Variants in C8orf34 observed in about 807,000 individuals in gnomAD.
C8orf34 encodes chromosome 8 open reading frame 34, also known as uncharacterized protein C8orf34.
In C8orf34, 65 loss-of-function variants were observed where a neutral mutation model predicts 68.3. The observed-to-expected ratio is 0.95, with a 90% CI of 0.78 to 1.17. The LOEUF (loss-of-function observed/expected upper bound fraction) is 1.17, where lower values mean the gene tolerates loss of function less well. Among genes scored for constraint, C8orf34 ranks in the 50% most tolerant of loss-of-function variants. The pLI, the probability that C8orf34 is intolerant of heterozygous loss-of-function variation, is 0.00. For missense variants in C8orf34, 664 were observed against 655.4 expected, an observed-to-expected ratio of 1.01 and a Z score of -0.14; for synonymous variants, 244 against 241.2, an observed-to-expected ratio of 1.01 and a Z score of -0.11.
intron 7 of C8orf34, among the ~76,000 whole-genome samples, chr8:68,605,318 A>G (rs1048407754): frequency 6.6e-6 from 1 of 152,098 alleles, no homozygotes; most frequent in Non-Finnish European, 1.5e-5. Flanking sequence ...TATAAAACTA[A>G]ATATACTTTT....
chr8:68,718,195 G>T (rs772611398), intron 9 of C8orf34, among the ~76,000 whole-genome samples: 1 of 151,944 alleles, frequency 6.6e-6, no homozygotes, highest in Non-Finnish European at 1.5e-5. Flanking sequence ...ACTTCCATTG[G>T]ATTATATGCT....
rs1048291205 is a variant in C8orf34 at position 68,749,131 on chromosome 8, G to A, written c.1405-27268G>A. Among the ~76,000 whole-genome samples the A allele has an allele frequency of 1.7e-4, 26 of 151,550 alleles. No homozygotes were observed. The South Asian group carries it at 3.4e-3, about 20-fold the overall frequency. On this transcript the variant is annotated intron_variant, in intron 10 of 13. Transcript: ENST00000518698. Reference sequence around the variant, plus strand: ...AAATCATCATTCTCAGTAAACTATCGCAAGAACAAAAAACCAAACACCGCA... The same window carrying A: ...AAATCATCATTCTCAGTAAACTATCACAAGAACAAAAAACCAAACACCGCA...
intron 4 of C8orf34, among the ~76,000 whole-genome samples, chr8:68,484,386 C>A (rs1461697526): frequency 1.3e-5 from 2 of 152,142 alleles, no homozygotes; most frequent in African/African-American, 2.4e-5. Flanking sequence ...AACTATATCA[C>A]CCTGATAGGA....
intron 7 of C8orf34, chr8:68,534,043 T>A: frequency 1.0e-6 from 1 of 982,442 alleles, no homozygotes; most frequent in Non-Finnish European, 1.2e-6. Context: ...TATAGGCCAT[T>A]TTCTGAAGTT....
intron 7 of C8orf34, among the ~76,000 whole-genome samples, chr8:68,536,358 C>CAAAAAAAAAAAAAAAAAAAAAA (rs10696903): frequency 2.0e-5 from 1 of 49,226 alleles, no homozygotes; most frequent in East Asian, 6.8e-4. Flanking sequence ...GACCCTATCT[C>CAAAAAAAAAAAAAAAAAAAAAA]AAAAAAAAAA....
chr8:68,685,339 G>A (rs1386574447), intron 8 of C8orf34, among the ~76,000 whole-genome samples: 1 of 152,100 alleles, frequency 6.6e-6, no homozygotes, highest in Admixed American at 6.6e-5. Flanking sequence ...TAAATAAGGT[G>A]AGGAGAAGGA....
chr8:68,331,149 G>T lies in C8orf34; in HGVS notation c.137G>T (p.Gly46Val). Residue 46 changes from glycine to valine, a missense_variant, in exon 1 of 14, where the codon GGG becomes GTG. By Grantham distance (109) the Gly-to-Val change is moderately radical. Transcript: ENST00000518698. ...GGCCGGGGCCGAGCCAGCCACGCAG[G>T]GCAGCCGAGGCTCCGGAGCTCCTGT... The part of the protein sequence containing the change: ...ARGRGRASHA[G>V]QPRLRSSCPG... The T allele has an allele frequency of 6.5e-7, 1 of 1,528,072 alleles. No homozygotes were observed. Among genetic ancestry groups the T allele is most frequent in the Non-Finnish European group, 8.8e-7 (1 of 1,141,600 alleles). The allele number at this position is 1,528,072 out of a possible 1,614,324, so 94.7% of individuals were successfully genotyped here. A position where few individuals can be genotyped will look rare whatever the true frequency, so the allele number is the denominator to read the frequency against.
At chr8:68,807,079 C>G (rs1824509634) in intron 12 of C8orf34, among the ~76,000 whole-genome samples, 1 of 152,126 alleles carries the variant, frequency 6.6e-6, no homozygotes, top group Non-Finnish European at 1.5e-5. Context: ...AATATTTGGA[C>G]TTTTTCACAT....
intron 1 of C8orf34, among the ~76,000 whole-genome samples, chr8:68,349,514 C>T (rs1022039896): frequency 6.7e-6 from 1 of 149,890 alleles, no homozygotes; most frequent in Admixed American, 6.7e-5. Flanking sequence ...AGGACTCTCT[C>T]CTCCTCAATT....
At chr8:68,605,496 G>C (rs1487815085) in intron 7 of C8orf34, among the ~76,000 whole-genome samples, 2 of 145,566 alleles carry the variant, frequency 1.4e-5, no homozygotes, top group East Asian at 3.9e-4. Flanking sequence ...AATAAATTAT[G>C]GTGCAGCCAT....
intron 4 of C8orf34, among the ~76,000 whole-genome samples, chr8:68,474,450 C>G (rs2129630346): frequency 6.6e-6 from 1 of 152,260 alleles, no homozygotes; most frequent in Non-Finnish European, 1.5e-5. Context: ...TCAATATCTT[C>G]TAGTTCACTC....
intron 2 of C8orf34, among the ~76,000 whole-genome samples, chr8:68,443,946 A>T (rs925561764): frequency 3.3e-5 from 5 of 151,430 alleles, no homozygotes; most frequent in African/African-American, 9.7e-5. Context: ...ATACTTATGA[A>T]TTTTTTTTTA....
chr8:68,464,780 A>G (rs1197107455), intron 3 of C8orf34, among the ~76,000 whole-genome samples: 2 of 151,774 alleles, frequency 1.3e-5, no homozygotes, highest in African/African-American at 4.8e-5. Context: ...CCTTCCTTAC[A>G]CCTTATACAA....
chr8:68,762,423 A>G (rs1425190429), intron 10 of C8orf34, among the ~76,000 whole-genome samples: 1 of 152,224 alleles, frequency 6.6e-6, no homozygotes, highest in Non-Finnish European at 1.5e-5. Context: ...GTCAAAAAGT[A>G]CCCAAGATTT....
intron 5 of C8orf34, 25 bp from the exon 6 acceptor site, chr8:68,521,774 C>A (rs762802404): frequency 1.6e-5 from 25 of 1,596,488 alleles, no homozygotes; most frequent in Non-Finnish European, 1.8e-5. Flanking sequence ...CCATCTAAGA[C>A]AGCATATTCT....
At chr8:68,528,087 G>C (rs887108128) in intron 6 of C8orf34, among the ~76,000 whole-genome samples, 2 of 152,114 alleles carry the variant, frequency 1.3e-5, no homozygotes, top group Non-Finnish European at 2.9e-5. Flanking sequence ...CCCTTTCTCT[G>C]AACATTCAAA....
chr8:68,578,137 TCACTTG>T (rs1340804148), intron 7 of C8orf34, among the ~76,000 whole-genome samples: 2 of 151,998 alleles, frequency 1.3e-5, no homozygotes, highest in Non-Finnish European at 2.9e-5. Flanking sequence ...GAATAGGCAC[TCACTTG>T]CCAAGATTTT....
At chr8:68,637,271 G>T (rs373596769) in intron 7 of C8orf34, among the ~76,000 whole-genome samples, 1 of 152,062 alleles carries the variant, frequency 6.6e-6, no homozygotes, top group East Asian at 1.9e-4. Context: ...TGTTTGCATG[G>T]TTCCTATTGC....
chr8:68,676,227 G>T (rs1820186118), intron 8 of C8orf34, among the ~76,000 whole-genome samples: 1 of 152,066 alleles, frequency 6.6e-6, no homozygotes, highest in East Asian at 1.9e-4. Flanking sequence ...CCAGCTACTT[G>T]GAAGGCTGGG....
Sources: gnomAD v4.1 joint callset for allele counts (sites outside exome capture counted in the v4.1 genomes callset) on GRCh38, gnomAD v4.1.1 for gene constraint, MANE v1.5 for transcripts, NCBI Gene and HGNC (gene_info 2026-07-23, HGNC 2026-07-21) for gene names.